The following ZNF804A variants were observed in gnomAD, a reference collection of about 807,000 sequenced individuals.
ZNF804A encodes the protein zinc finger protein 804A.
In ZNF804A, 2 loss-of-function variants were observed where a neutral mutation model predicts 16.5. That is an observed-to-expected ratio of 0.12 (90% CI 0.05 to 0.38). The LOEUF is 0.38. ZNF804A is among the 10% of genes least tolerant of loss of function. The probability of loss-of-function intolerance (pLI) is 0.99; values close to 1 mark genes in which losing one functional copy is unlikely to be tolerated. For missense variants in ZNF804A, 1,473 were observed against 1,390.7 expected, an observed-to-expected ratio of 1.06 and a Z score of -0.94; for synonymous variants, 534 against 489.6, an observed-to-expected ratio of 1.09 and a Z score of -1.20.
chr2:184,665,968 A>G (rs1306006116), intron 1 of ZNF804A, among the ~76,000 whole-genome samples: 4 of 152,152 alleles, frequency 2.6e-5, no homozygotes, highest in Non-Finnish European at 5.9e-5. Flanking sequence ...CACCTTGATA[A>G]TCCTGGATAA....
intron 1 of ZNF804A, among the ~76,000 whole-genome samples, chr2:184,644,613 A>G (rs749395681): frequency 2.6e-5 from 4 of 151,934 alleles, no homozygotes; most frequent in African/African-American, 4.8e-5. Flanking sequence ...AATGTTTAGT[A>G]TTTGCATCTG....
intron 1 of ZNF804A, among the ~76,000 whole-genome samples, chr2:184,827,146 G>T (rs1261174900): frequency 6.6e-6 from 1 of 151,744 alleles, no homozygotes. Context: ...CCTGAAAATG[G>T]TCAGCATATT....
chr2:184,809,342 A>G (rs909388450), intron 1 of ZNF804A, among the ~76,000 whole-genome samples: 4 of 151,874 alleles, frequency 2.6e-5, no homozygotes, highest in African/African-American at 9.7e-5. Flanking sequence ...GGAGAAAGTG[A>G]ATGGAGGAAA....
intron 1 of ZNF804A, among the ~76,000 whole-genome samples, chr2:184,637,660 A>G (rs1691722476): frequency 6.6e-6 from 1 of 152,080 alleles, no homozygotes; most frequent in South Asian, 2.1e-4. Flanking sequence ...ATGTTATAAA[A>G]TACTCTGCAG....
chr2:184,695,064 ATACAGACC>A (rs1380056143), intron 1 of ZNF804A, among the ~76,000 whole-genome samples: 3 of 152,250 alleles, frequency 2.0e-5, no homozygotes, highest in Non-Finnish European at 4.4e-5. Flanking sequence ...CTGTTCATGC[ATACAGACC>A]TACAAACCCA....
chr2:184,618,085 C>A (rs1454124796), intron 1 of ZNF804A, among the ~76,000 whole-genome samples: 1 of 151,990 alleles, frequency 6.6e-6, no homozygotes, highest in Non-Finnish European at 1.5e-5. Flanking sequence ...TAGTTTATCT[C>A]ACAAGTAATG....
intron 2 of ZNF804A, among the ~76,000 whole-genome samples, chr2:184,921,549 T>C (rs781724992): frequency 1.3e-5 from 2 of 152,180 alleles, no homozygotes; most frequent in Non-Finnish European, 2.9e-5. Context: ...ATAAGATATT[T>C]TGACACAGGC....
intron 2 of ZNF804A, among the ~76,000 whole-genome samples, chr2:184,878,602 C>T (rs568658781): frequency 6.6e-6 from 1 of 152,064 alleles, no homozygotes; most frequent in South Asian, 2.1e-4. Flanking sequence ...TAGCAGTTAT[C>T]TCAAAAAACT....
intron 3 of ZNF804A, among the ~76,000 whole-genome samples, chr2:184,934,233 C>T (rs1440719323): frequency 2.0e-5 from 3 of 152,084 alleles, no homozygotes; most frequent in Non-Finnish European, 2.9e-5. Flanking sequence ...TCTAACTGGG[C>T]TGTTAGAGGT....
intron 1 of ZNF804A, among the ~76,000 whole-genome samples, chr2:184,629,031 T>A (rs888885413): frequency 3.9e-5 from 6 of 152,186 alleles, no homozygotes; most frequent in African/African-American, 1.2e-4. Flanking sequence ...TTTTATTGAA[T>A]ATTTTAGTTT....
At chr2:184,676,911 C>T (rs986538422) in intron 1 of ZNF804A, among the ~76,000 whole-genome samples, 7 of 151,474 alleles carry the variant, frequency 4.6e-5, no homozygotes, top group African/African-American at 1.7e-4. Context: ...TAAATAGGTT[C>T]AACATAAATA....
intron 2 of ZNF804A, among the ~76,000 whole-genome samples, chr2:184,910,581 C>T (rs1685339613): frequency 6.6e-6 from 1 of 152,078 alleles, no homozygotes; most frequent in East Asian, 1.9e-4. Context: ...AGCTAATTTA[C>T]ATTTCCACCA....
chr2:184,720,109 C>T lies in ZNF804A; in HGVS notation c.111+121039C>T, dbSNP rs562330939. Among the ~76,000 whole-genome samples, 6 of 152,148 alleles carry T rather than the reference C, an allele frequency of 3.9e-5. No homozygotes were observed. In the South Asian group the frequency reaches 8.3e-4, roughly 21 times the overall value. On this transcript the variant is annotated intron_variant, in intron 1 of 3. Coordinates refer to ENST00000302277, the MANE Select transcript of ZNF804A (RefSeq NM_194250.2). Reference sequence around the variant, plus strand: ...TCATACAGTGGCAGACAAGAGAAGACGTTTTGTGCAGGGAGACTCCTGTTT... The same window carrying T: ...TCATACAGTGGCAGACAAGAGAAGATGTTTTGTGCAGGGAGACTCCTGTTT...
At chr2:184,809,429 C>G (rs1362632067) in intron 1 of ZNF804A, among the ~76,000 whole-genome samples, 3 of 151,604 alleles carry the variant, frequency 2.0e-5, no homozygotes, top group Non-Finnish European at 4.4e-5. Flanking sequence ...TTCTGGATTG[C>G]CTAGGAGGCA....
intron 1 of ZNF804A, among the ~76,000 whole-genome samples, chr2:184,809,241 G>T (rs1694855408): frequency 6.6e-6 from 1 of 151,616 alleles, no homozygotes; most frequent in Non-Finnish European, 1.5e-5. Flanking sequence ...TAGGTAAATG[G>T]ATAAAATTAT....
intron 1 of ZNF804A, among the ~76,000 whole-genome samples, chr2:184,823,379 C>T (rs1574228890): frequency 6.6e-6 from 1 of 152,164 alleles, no homozygotes; most frequent in Middle Eastern, 3.4e-3. Flanking sequence ...TTGAAGGGGA[C>T]ACATTCAAAC....
intron 1 of ZNF804A, among the ~76,000 whole-genome samples, chr2:184,753,292 T>C (rs1272076652): frequency 6.6e-6 from 1 of 151,660 alleles, no homozygotes; most frequent in Non-Finnish European, 1.5e-5. Context: ...CAATAGGCAA[T>C]AGGCTGGAGG....
At chr2:184,630,290 G>A (rs1019690653) in intron 1 of ZNF804A, among the ~76,000 whole-genome samples, 13 of 152,166 alleles carry the variant, frequency 8.5e-5, no homozygotes, top group Non-Finnish European at 1.5e-4. Context: ...GGATACGGAA[G>A]TCCAGAGAGA....
chr2:184,612,080 A>T (rs866716506), intron 1 of ZNF804A, among the ~76,000 whole-genome samples: 26 of 152,200 alleles, frequency 1.7e-4, no homozygotes, highest in African/African-American at 5.3e-4. Context: ...ATAGCTAATT[A>T]ATCATTAAAT....
Sources: allele counts gnomAD v4.1 joint callset (sites outside exome capture counted in the v4.1 genomes callset), GRCh38; gene constraint gnomAD v4.1.1; transcripts MANE v1.5; gene names NCBI Gene and HGNC (gene_info 2026-07-23, HGNC 2026-07-21).